PITRM1: variants seen among roughly 807,000 people sequenced by gnomAD.
PITRM1 encodes the protein pitrilysin metallopeptidase 1.
In PITRM1, 100 loss-of-function variants were observed where a neutral mutation model predicts 129.9. That is an observed-to-expected ratio of 0.77 (90% confidence interval 0.65 to 0.91). The LOEUF (loss-of-function observed/expected upper bound fraction) is 0.91. PITRM1 is among the 40% of genes least tolerant of loss of function. The pLI is 0.00. For synonymous variants in PITRM1, 591 were observed against 508.8 expected (o/e 1.16, Z -2.17); for missense variants, 1,471 against 1,318.3 (o/e 1.12, Z -1.79).
intron 11 of PITRM1, 98 bp from the exon 12 acceptor site, chr10:3,157,629 G>T: frequency 2.8e-6 from 2 of 717,000 alleles, no homozygotes; most frequent in Non-Finnish European, 4.6e-6. Flanking sequence ...ACTGCTTGAG[G>T]CCAGGCATTT....
In PITRM1 at chr10:3,160,278, C is replaced by G. The variant is rs770681990; in HGVS notation, c.844G>C (p.Glu282Gln). ...TTCTGGAATTTGCTCAGTGCTTCCT[C>G]GTGAATTTGTTTCAGATGCTGTTCT... Reference protein sequence around the residue: ...PLEQHLKQIHEEALSKFQKIE... With the variant: ...PLEQHLKQIHQEALSKFQKIE... The change falls in exon 8 of 27, where the codon GAG (glutamate) becomes CAG (glutamine). Residue 282 changes from glutamate to glutamine, a missense_variant. Glu to Gln is a conservative substitution (Grantham distance 29). Transcript: ENST00000224949. 38 of 1,613,266 alleles carry G rather than the reference C, an allele frequency of 2.4e-5. No individual in the cohort carries two copies. The Admixed American group carries it at 6.3e-4, about 27-fold the overall frequency.
chr10:3,145,592 A>G lies in PITRM1; in HGVS notation c.2457+4T>C. ...CACCGGGCGCCAGCACCACCAGTGCATACCTCGACCGTGTGTGGGCGCACA... is the reference window on the plus strand; with the variant it reads ...CACCGGGCGCCAGCACCACCAGTGCGTACCTCGACCGTGTGTGGGCGCACA... On this transcript the variant is annotated splice_donor_region_variant and intron_variant, in intron 21 of 26. Coordinates refer to ENST00000224949, the MANE Select transcript of PITRM1 (RefSeq NM_014889.4). 6.5e-7 allele frequency: 1 copy of G among 1,549,604 alleles called. No individual in the cohort carries two copies. The highest frequency in any genetic ancestry group is 8.7e-7 in the Non-Finnish European group (1 of 1,146,854).
In PITRM1 at chr10:3,137,955, T is replaced by A. The variant is rs896636047; in HGVS notation, c.*76A>T. ...GACATAATATTCTTGGAAAAAGCAGTAGCATTTCTGACTTTTCATATTCAG... is the reference window on the plus strand; with the variant it reads ...GACATAATATTCTTGGAAAAAGCAGAAGCATTTCTGACTTTTCATATTCAG... On this transcript the variant is annotated 3_prime_UTR_variant, in exon 27 of 27. Coordinates refer to ENST00000224949, the MANE Select transcript of PITRM1 (RefSeq NM_014889.4). 1 of 850,078 alleles carries A rather than the reference T, an allele frequency of 1.2e-6. No individual in the cohort carries two copies. 52.7% of individuals were successfully genotyped at this position (850,078 alleles called of 1,614,324 possible). A position where few individuals can be genotyped will look rare whatever the true frequency, so the allele number is the denominator to read the frequency against.
intron 22 of PITRM1, 104 bp from the exon 23 acceptor site, chr10:3,143,605 C>T: frequency 3.8e-6 from 3 of 789,852 alleles, no homozygotes; most frequent in Non-Finnish European, 6.7e-6. Context: ...CTCCCACGCA[C>T]TGCCCACGGC....
At chr10:3,160,112 G>A in intron 8 of PITRM1, 92 bp downstream of exon 8, 2 of 1,389,050 alleles carry the variant, frequency 1.4e-6, no homozygotes, top group African/African-American at 1.4e-5. Flanking sequence ...TACCAAACAT[G>A]ACAGCATCTG....
Position 3,144,309 on chromosome 10 carries a change from T to A in PITRM1, c.2515A>T (p.Ile839Phe). The change falls in exon 22 of 27, where the codon ATT (isoleucine) becomes TTT (phenylalanine). Residue 839 changes from isoleucine to phenylalanine, a missense_variant. Physicochemically the swap from Ile to Phe is conservative, Grantham distance 21. Coordinates refer to ENST00000224949, the MANE Select transcript of PITRM1 (RefSeq NM_014889.4). ...GTTCTTACCATGACCAGCTTCCTAA[T>A]GACCTGGGAGCCATGGGGAACGTGG... ...DAHVPHGSQV[I>F]RKLVMEPTFK... 1.3e-6 allele frequency: 2 copies of A among 1,559,526 alleles called. No homozygotes were observed. Among genetic ancestry groups the A allele is most frequent in the South Asian group, 1.2e-5 (1 of 84,596 alleles).
rs1840812929 is a variant in PITRM1 at position 3,145,915 on chromosome 10, T to A, written c.2337-199A>T. The A allele has an allele frequency of 5.3e-6, 3 of 566,150 alleles. No homozygotes were observed. The East Asian group carries it at 9.1e-5, about 17-fold the overall frequency. The allele number at this position is 566,150 out of a possible 1,614,324, so 35.1% of individuals were successfully genotyped here. A position where few individuals can be genotyped will look rare whatever the true frequency, so the allele number is the denominator to read the frequency against. On this transcript the variant is annotated intron_variant, in intron 20 of 26. Coordinates refer to ENST00000224949, the MANE Select transcript of PITRM1 (RefSeq NM_014889.4). ...GGTTATCAAGAGATTTCCGCACAGT[T>A]CAATGTGGCAGCTAATGAAGCCGTC...
chr10:3,159,723 CT>C, intron 9 of PITRM1, 124 bp downstream of exon 9: 1 of 570,478 alleles, frequency 1.8e-6, no homozygotes, highest in Non-Finnish European at 3.1e-6. Context: ...CTAAAATCCA[CT>C]TAACCCCTGA....
Position 3,165,321 on chromosome 10 carries a change from G to A in PITRM1, c.547C>T (p.Arg183Trp), listed in dbSNP as rs576962834. Residue 183 changes from arginine to tryptophan, a missense_variant, in exon 6 of 27, where the codon CGG (arginine) becomes TGG (tryptophan). Coordinates refer to ENST00000224949, the MANE Select transcript of PITRM1 (RefSeq NM_014889.4). ...RELDFWQEGW[R>W]LEHENPSDPQ... ...TCGCTCGGATTCTCATGTTCCAGCC[G>A]CCATCCTTCCTGCCTGAGGACAAAT... 1.1e-5 allele frequency: 18 copies of A among 1,591,144 alleles called. No homozygotes were observed. The highest frequency in any genetic ancestry group is 4.5e-5 in the East Asian group (2 of 44,068).
chr10:3,148,814 G>A (rs1210498392), intron 16 of PITRM1: 2 of 153,136 alleles, frequency 1.3e-5, no homozygotes, highest in African/African-American at 2.4e-5. Context: ...AGCAATAATT[G>A]AGTCAAGGGA....
At chr10:3,151,079 T>C in intron 15 of PITRM1, 168 bp downstream of exon 15, 1 of 545,566 alleles carries the variant, frequency 1.8e-6, no homozygotes. Context: ...CCACCGAGAG[T>C]TAAGAACAAG....
intron 1 of PITRM1, among the ~76,000 whole-genome samples, chr10:3,170,828 T>C (rs1297205081): frequency 6.6e-6 from 1 of 151,964 alleles, no homozygotes; most frequent in Non-Finnish European, 1.5e-5. Flanking sequence ...CCTGATGTGG[T>C]GGCAGGTGCC....
chr10:3,161,441 T>G (rs1842434089), intron 7 of PITRM1, among the ~76,000 whole-genome samples: 1 of 152,232 alleles, frequency 6.6e-6, no homozygotes, highest in Non-Finnish European at 1.5e-5. Flanking sequence ...GAGCTATGGT[T>G]AAGGTTTGGG....
At position 3,172,737 on chromosome 10, in the gene PITRM1, C is replaced by A. The variant is rs769060443; in HGVS notation, c.36G>T (p.Val12=). ...WRCGGRQGLC[V]LRRLSGGHAH... Reference sequence around the variant, plus strand: ...CTCACCCGCCGCTCAGCCGCCTCAGCACACACAGGCCCTGCCGCCCGCCGC... The same window carrying A: ...CTCACCCGCCGCTCAGCCGCCTCAGAACACACAGGCCCTGCCGCCCGCCGC... The change falls in exon 1 of 27, where the codon GTG becomes GTT. Residue 12 remains valine, a synonymous_variant. Transcript: ENST00000224949. 2 of 1,545,606 alleles carry A rather than the reference C, an allele frequency of 1.3e-6. No homozygotes were observed. The highest frequency in any genetic ancestry group is 8.7e-7 in the Non-Finnish European group (1 of 1,145,440).
intron 15 of PITRM1, 24 bp downstream of exon 15, chr10:3,151,223 G>T (rs1464242945): frequency 7.6e-7 from 1 of 1,313,570 alleles, no homozygotes; most frequent in Non-Finnish European, 1.1e-6. Context: ...CGAGACCCGG[G>T]AAAAGCGTAG....
In PITRM1 at chr10:3,137,905, G is replaced by C. The variant is rs887001356; in HGVS notation, c.*126C>G. 4.7e-6 allele frequency: 3 copies of C among 637,022 alleles called. No individual in the cohort carries two copies. Among genetic ancestry groups the C allele is most frequent in the African/African-American group, 3.7e-5 (2 of 54,550 alleles). 39.5% of individuals were successfully genotyped at this position (637,022 alleles called of 1,614,324 possible). A position where few individuals can be genotyped will look rare whatever the true frequency, so the allele number is the denominator to read the frequency against. ...ATAGATCTGAGTTTTTGACTCGCCA[G>C]TCAAGGGCTTTGGCGACACTCAATG... On this transcript the variant is annotated 3_prime_UTR_variant, in exon 27 of 27. Coordinates refer to ENST00000224949, the MANE Select transcript of PITRM1 (RefSeq NM_014889.4).
At chr10:3,158,266 C>A (rs540838403) in intron 10 of PITRM1, 113 bp from the exon 11 acceptor site, 1 of 666,500 alleles carries the variant, frequency 1.5e-6, no homozygotes, top group South Asian at 1.7e-5. Flanking sequence ...AGCCCCTCCA[C>A]TGAAAAGCTC....
Position 3,140,585 on chromosome 10 carries a change from T to G in PITRM1, c.2771+102A>C, listed in dbSNP as rs1840086108. On this transcript the variant is annotated intron_variant, in intron 24 of 26. Transcript: ENST00000224949. ...GAAAAGAAGCACACAGAACAACTTT[T>G]GTCTAAAATTCACTGCAGTAGAAGA... is the stretch of plus-strand genomic sequence containing the variant. 2.7e-6 allele frequency: 3 copies of G among 1,093,896 alleles called. No individual in the cohort carries two copies. The East Asian group carries it at 7.8e-5, about 28-fold the overall frequency. 67.8% of individuals were successfully genotyped at this position (1,093,896 alleles called of 1,614,324 possible).
intron 21 of PITRM1, among the ~76,000 whole-genome samples, 159 bp from the exon 22 acceptor site, chr10:3,144,525 T>G (rs975716779): frequency 6.6e-6 from 1 of 152,188 alleles, no homozygotes; most frequent in Non-Finnish European, 1.5e-5. Flanking sequence ...AAAAATAGGC[T>G]GGGCAGAGTG....
Sources: gnomAD v4.1 joint callset for allele counts (sites outside exome capture counted in the v4.1 genomes callset) on GRCh38, gnomAD v4.1.1 for gene constraint, MANE v1.5 for transcripts, NCBI Gene and HGNC (gene_info 2026-07-23, HGNC 2026-07-21) for gene names.